Variants in MCTP1 observed in about 807,000 individuals in gnomAD.
The protein encoded by MCTP1 is multiple C2 and transmembrane domain-containing protein 1.
A neutral mutation model predicts 120.6 loss-of-function variants in MCTP1; 69 were observed. The observed-to-expected ratio is 0.57, with a 90% CI of 0.47 to 0.70. The LOEUF is 0.70. Ranked by LOEUF, MCTP1 falls within the 30% of genes least tolerant of loss-of-function variation. The probability of loss-of-function intolerance (pLI) is 0.00; values close to 1 mark genes in which losing one functional copy is unlikely to be tolerated. For missense variants in MCTP1, 1,203 were observed against 1,248.8 expected, an observed-to-expected ratio of 0.96 and a Z score of 0.55; for synonymous variants, 529 against 493.1, an observed-to-expected ratio of 1.07 and a Z score of -0.96.
At chr5:94,741,512 A>C (rs1211854911) in intron 19 of MCTP1, among the ~76,000 whole-genome samples, 2 of 152,228 alleles carry the variant, frequency 1.3e-5, no homozygotes, top group African/African-American at 4.8e-5. Context: ...ATAGAGTCCA[A>C]TACAAAATCA....
At chr5:94,764,533 A>C (rs1227229787) in intron 19 of MCTP1, among the ~76,000 whole-genome samples, 2 of 152,190 alleles carry the variant, frequency 1.3e-5, no homozygotes, top group Non-Finnish European at 2.9e-5. Context: ...TGAAGGGATG[A>C]AAAAAGATAT....
intron 1 of MCTP1, among the ~76,000 whole-genome samples, chr5:95,090,430 C>T (rs186193174): frequency 1.2e-3 from 180 of 152,194 alleles, no homozygotes; most frequent in African/African-American, 4.1e-3. Context: ...CTTCTCCTGC[C>T]GCTTAAATGC....
At chr5:95,247,577 T>A (rs1448452243) in intron 1 of MCTP1, among the ~76,000 whole-genome samples, 1 of 152,248 alleles carries the variant, frequency 6.6e-6, no homozygotes, top group African/African-American at 2.4e-5. Context: ...TCCCAGAGAT[T>A]CTGGTACATT....
At chr5:95,086,798 A>T (rs899352118) in intron 1 of MCTP1, among the ~76,000 whole-genome samples, 3 of 152,198 alleles carry the variant, frequency 2.0e-5, no homozygotes, top group Non-Finnish European at 4.4e-5. Flanking sequence ...GTGAAAATTT[A>T]AAAAGCCTAT....
In MCTP1 at chr5:94,864,592, A is replaced by G. The variant is rs1796459435; in HGVS notation, c.2436+3741T>C. Among the ~76,000 whole-genome samples, 3 of 151,922 alleles carry G rather than the reference A, an allele frequency of 2.0e-5. No homozygotes were observed. The South Asian group carries it at 6.2e-4, about 31-fold the overall frequency. On this transcript the variant is annotated intron_variant, in intron 17 of 22. Coordinates refer to ENST00000515393, the MANE Select transcript of MCTP1 (RefSeq NM_024717.7). ...CCGTTCCCCAAGGACTACACAGCAG[A>G]ACAGAAATTAAATGTGTAAAATATC...
chr5:95,031,357 G>A (rs1840248997), intron 1 of MCTP1, among the ~76,000 whole-genome samples: 1 of 150,016 alleles, frequency 6.7e-6, no homozygotes, highest in African/African-American at 2.4e-5. Flanking sequence ...CAACATGAAA[G>A]AAAAAAAAAT....
At chr5:94,746,155 T>G (rs1299275401) in intron 19 of MCTP1, among the ~76,000 whole-genome samples, 1 of 152,196 alleles carries the variant, frequency 6.6e-6, no homozygotes, top group Non-Finnish European at 1.5e-5. Flanking sequence ...AAACTGAGGA[T>G]TTAGGCAGAA....
rs201292154 is a variant in MCTP1 at position 94,799,167 on chromosome 5, C to T, written c.2437-35G>A. The T allele has an allele frequency of 1.6e-5, 26 of 1,594,380 alleles. No homozygotes were observed. The South Asian group carries it at 2.8e-4, about 17-fold the overall frequency. On this transcript the variant is annotated intron_variant, in intron 17 of 22. Coordinates refer to ENST00000515393, the MANE Select transcript of MCTP1 (RefSeq NM_024717.7). ...ATAGAAGAGAGAAGAAGGGATGAGT[C>T]AACACTGAATTTCATTAAATGGACT...
chr5:95,203,653 G>C (rs1751313345), intron 1 of MCTP1, among the ~76,000 whole-genome samples: 1 of 152,178 alleles, frequency 6.6e-6, no homozygotes, highest in South Asian at 2.1e-4. Context: ...TCATAAGTTA[G>C]TAAGTACATG....
chr5:95,126,447 T>C (rs1296001186), intron 1 of MCTP1, among the ~76,000 whole-genome samples: 1 of 152,246 alleles, frequency 6.6e-6, no homozygotes, highest in East Asian at 1.9e-4. Flanking sequence ...TTAACTTTCA[T>C]GTACCTAATG....
intron 19 of MCTP1, among the ~76,000 whole-genome samples, chr5:94,770,990 T>C (rs1252858483): frequency 3.3e-5 from 5 of 152,202 alleles, no homozygotes; most frequent in South Asian, 2.1e-4. Context: ...CATAGTCAAA[T>C]GGATATCAAA....
intron 18 of MCTP1, among the ~76,000 whole-genome samples, chr5:94,780,092 C>A (rs1429224192): frequency 1.3e-5 from 2 of 151,878 alleles, no homozygotes; most frequent in Middle Eastern, 3.2e-3. Flanking sequence ...TCAAGTAAGA[C>A]CCAACTTATT....
chr5:94,787,798 A>C (rs1195206899), intron 18 of MCTP1, among the ~76,000 whole-genome samples: 1 of 151,920 alleles, frequency 6.6e-6, no homozygotes, highest in Non-Finnish European at 1.5e-5. Context: ...TTTGTATTTT[A>C]ATAGAGACGG....
At chr5:94,985,165 T>C (rs1219764741) in intron 2 of MCTP1, among the ~76,000 whole-genome samples, 1 of 152,180 alleles carries the variant, frequency 6.6e-6, no homozygotes, top group East Asian at 1.9e-4. Flanking sequence ...TCTTCAGAAA[T>C]GGTGAGAACC....
At chr5:94,709,536 C>T (rs142626629) in intron 21 of MCTP1, 29 of 152,168 alleles carry the variant, frequency 1.9e-4, no homozygotes, top group African/African-American at 6.5e-4. Flanking sequence ...CAAGGCAGGT[C>T]TGACCCTAGG....
chr5:95,152,055 T>G (rs1760942874), intron 1 of MCTP1, among the ~76,000 whole-genome samples: 1 of 152,232 alleles, frequency 6.6e-6, no homozygotes, highest in South Asian at 2.1e-4. Flanking sequence ...AAAAAAGTTT[T>G]GGATTATGAG....
At chr5:94,909,164 G>T in intron 10 of MCTP1, 87 bp downstream of exon 10, 1 of 1,442,526 alleles carries the variant, frequency 6.9e-7, no homozygotes, top group African/African-American at 1.4e-5. Flanking sequence ...AAACAGTAAA[G>T]ATCATTTACA....
chr5:95,028,788 A>G (rs1427958588), intron 1 of MCTP1, among the ~76,000 whole-genome samples: 1 of 152,236 alleles, frequency 6.6e-6, no homozygotes. Context: ...TTCAGCCAAA[A>G]ATACTATCCT....
chr5:94,947,786 A>T (rs542327310), intron 3 of MCTP1, among the ~76,000 whole-genome samples: 166 of 138,994 alleles, frequency 1.2e-3, no homozygotes, highest in East Asian at 3.3e-3. Flanking sequence ...TGGCTTTAAA[A>T]TTTTTTTTTT....
Sources: allele counts gnomAD v4.1 joint callset (sites outside exome capture counted in the v4.1 genomes callset), GRCh38; gene constraint gnomAD v4.1.1; transcripts MANE v1.5; gene names NCBI Gene and HGNC (gene_info 2026-07-23, HGNC 2026-07-21).